SCFD2: variants seen among roughly 807,000 people sequenced by gnomAD.
The protein encoded by SCFD2 is sec1 family domain containing 2, also known as sec1 family domain-containing protein 2.
A neutral mutation model predicts 58.9 loss-of-function variants in SCFD2; 54 were observed. The ratio of observed to expected loss-of-function variants is 0.92; its 90% CI spans 0.74 to 1.15. The LOEUF (loss-of-function observed/expected upper bound fraction) is 1.15, where lower values mean the gene tolerates loss of function less well. SCFD2 is among the 50% of genes most tolerant of loss of function. The pLI, the probability that SCFD2 is intolerant of heterozygous loss-of-function variation, is 0.00. For missense variants in SCFD2, 805 were observed against 836.6 expected (o/e 0.96, Z 0.47); for synonymous variants, 321 against 335.9 (o/e 0.96, Z 0.49).
chr4:52,970,795 G>T (rs1156765928), intron 5 of SCFD2, among the ~76,000 whole-genome samples: 1 of 152,206 alleles, frequency 6.6e-6, no homozygotes, highest in East Asian at 1.9e-4. Context: ...ACCTCACACG[G>T]CCGGGTACTC....
intron 5 of SCFD2, among the ~76,000 whole-genome samples, chr4:53,052,519 A>G (rs1723212872): frequency 6.6e-6 from 1 of 152,220 alleles, no homozygotes; most frequent in Admixed American, 6.5e-5. Flanking sequence ...AAGACTGTGC[A>G]TTATCAACTG....
intron 2 of SCFD2, among the ~76,000 whole-genome samples, chr4:53,340,320 G>T (rs894578500): frequency 2.6e-5 from 4 of 152,290 alleles, no homozygotes; most frequent in South Asian, 2.1e-4. Flanking sequence ...AACATCTCGC[G>T]ACTGGCTTGG....
At chr4:53,349,364 G>A (rs1038009457) in intron 2 of SCFD2, among the ~76,000 whole-genome samples, 1 of 152,164 alleles carries the variant, frequency 6.6e-6, no homozygotes, top group Non-Finnish European at 1.5e-5. Flanking sequence ...TCCAAACATC[G>A]TGCATCAAGG....
chr4:53,113,729 C>T (rs1042528489), intron 5 of SCFD2, among the ~76,000 whole-genome samples: 2 of 152,042 alleles, frequency 1.3e-5, no homozygotes, highest in Non-Finnish European at 2.9e-5. Flanking sequence ...CACTACCTGA[C>T]ATAATTCTCA....
At chr4:53,011,147 T>C (rs1258015473) in intron 5 of SCFD2, among the ~76,000 whole-genome samples, 1 of 152,230 alleles carries the variant, frequency 6.6e-6, no homozygotes, top group Non-Finnish European at 1.5e-5. Flanking sequence ...AAACAATTGT[T>C]ACTATTCTGT....
chr4:53,227,919 A>G (rs1729276726), intron 4 of SCFD2, among the ~76,000 whole-genome samples: 1 of 152,140 alleles, frequency 6.6e-6, no homozygotes, highest in Non-Finnish European at 1.5e-5. Flanking sequence ...ACATTTTTTA[A>G]TTTATATTTT....
At chr4:53,205,401 T>C (rs1348534715) in intron 4 of SCFD2, among the ~76,000 whole-genome samples, 1 of 151,368 alleles carries the variant, frequency 6.6e-6, no homozygotes, top group Non-Finnish European at 1.5e-5. Context: ...AAAAAGCAAA[T>C]GAAATGTGAA....
At chr4:53,157,351 A>G (rs1726720884) in intron 4 of SCFD2, among the ~76,000 whole-genome samples, 3 of 152,226 alleles carry the variant, frequency 2.0e-5, no homozygotes, top group Admixed American at 2.0e-4. Flanking sequence ...ATGCCACATT[A>G]CAACTTACCT....
intron 4 of SCFD2, among the ~76,000 whole-genome samples, chr4:53,187,654 G>T (rs954087451): frequency 2.0e-5 from 3 of 151,950 alleles, no homozygotes; most frequent in African/African-American, 7.2e-5. Context: ...AAACAAATAT[G>T]ATATAACAGC....
intron 8 of SCFD2, among the ~76,000 whole-genome samples, chr4:52,874,695 C>T (rs1718431520): frequency 6.6e-6 from 1 of 152,222 alleles, no homozygotes; most frequent in African/African-American, 2.4e-5. Context: ...TACCTTGTGC[C>T]TTCACATTGT....
At chr4:53,095,374 C>T (rs759733284) in intron 5 of SCFD2, among the ~76,000 whole-genome samples, 8 of 151,678 alleles carry the variant, frequency 5.3e-5, no homozygotes, top group Non-Finnish European at 1.0e-4. Context: ...TTATATCTCA[C>T]ATCTAATCCT....
At chr4:53,194,916 T>A (rs1333690792) in intron 4 of SCFD2, among the ~76,000 whole-genome samples, 1 of 152,200 alleles carries the variant, frequency 6.6e-6, no homozygotes, top group African/African-American at 2.4e-5. Context: ...TAGGTACAGA[T>A]ACAGCTGCTG....
intron 2 of SCFD2, among the ~76,000 whole-genome samples, chr4:53,344,320 G>T (rs1176421431): frequency 6.6e-6 from 1 of 152,112 alleles, no homozygotes; most frequent in East Asian, 1.9e-4. Context: ...CAAACTGAGA[G>T]CCAAATCATG....
intron 4 of SCFD2, among the ~76,000 whole-genome samples, chr4:53,260,157 G>A (rs944006662): frequency 2.6e-5 from 4 of 152,098 alleles, no homozygotes; most frequent in Non-Finnish European, 2.9e-5. Flanking sequence ...TTAGGTATAC[G>A]ATCATATCAT....
rs1372349871 is a variant in SCFD2, at chr4:53,237,248, C to T, written c.1311+36578G>A. On this transcript the variant is annotated intron_variant, in intron 4 of 8. Transcript: ENST00000401642. ...TCTCCCATGTCTACTTCTTTCTACA[C>T]AGACACGGCAACCATCCGATTTCTC... Among the ~76,000 whole-genome samples, 49 of 149,664 alleles carry T rather than the reference C, an allele frequency of 3.3e-4. No individual in the cohort carries two copies. In the South Asian group the frequency reaches 5.6e-3, roughly 17 times the overall value.
intron 3 of SCFD2, among the ~76,000 whole-genome samples, chr4:53,296,755 GC>G (rs1479145967): frequency 6.6e-6 from 1 of 152,120 alleles, no homozygotes; most frequent in Non-Finnish European, 1.5e-5. Flanking sequence ...GATCTTTCCT[GC>G]TTTCTCTTGT....
chr4:52,926,675 G>A (rs1188109483), intron 5 of SCFD2, among the ~76,000 whole-genome samples: 1 of 152,138 alleles, frequency 6.6e-6, no homozygotes, highest in African/African-American at 2.4e-5. Flanking sequence ...CTACTGGCCT[G>A]AGTTTGAGAA....
chr4:53,251,916 T>G (rs1035608066), intron 4 of SCFD2, among the ~76,000 whole-genome samples: 9 of 151,740 alleles, frequency 5.9e-5, no homozygotes, highest in African/African-American at 2.2e-4. Flanking sequence ...ATAAAGGGTA[T>G]TCAATTAGGA....
intron 5 of SCFD2, among the ~76,000 whole-genome samples, chr4:52,986,130 C>T (rs1721485491): frequency 6.6e-6 from 1 of 152,132 alleles, no homozygotes; most frequent in Non-Finnish European, 1.5e-5. Context: ...TCCACCTCTT[C>T]CCTCCAGAGC....
Sources: gnomAD v4.1 joint callset for allele counts (sites outside exome capture counted in the v4.1 genomes callset) on GRCh38, gnomAD v4.1.1 for gene constraint, MANE v1.5 for transcripts, NCBI Gene and HGNC (gene_info 2026-07-23, HGNC 2026-07-21) for gene names.